The following CASK variants were observed in gnomAD, a reference collection of about 807,000 sequenced individuals.
CASK encodes peripheral plasma membrane protein CASK.
A neutral mutation model predicts 82.9 loss-of-function variants in CASK; 4 were observed. That is an observed-to-expected ratio of 0.05 (90% CI 0.02 to 0.11). The LOEUF (loss-of-function observed/expected upper bound fraction) is 0.11, where lower values mean the gene tolerates loss of function less well. CASK is among the 10% of genes least tolerant of loss of function. CASK has a pLI of 1.00. For missense variants in CASK, 358 were observed against 720.9 expected, an observed-to-expected ratio of 0.50 and a Z score of 5.76; for synonymous variants, 259 against 253.5, an observed-to-expected ratio of 1.02 and a Z score of -0.20.
chrX:41,854,090 A>C (rs1448382994), intron 1 of CASK, among the ~76,000 whole-genome samples: 1 of 111,825 alleles, frequency 8.9e-6, no homozygotes, highest in Non-Finnish European at 1.9e-5. Context: ...TACTAGAGGA[A>C]AGGAAGTAAT....
chrX:41,753,992 A>G (rs915979035), intron 3 of CASK, among the ~76,000 whole-genome samples: 3 of 112,726 alleles, frequency 2.7e-5, no homozygotes, highest in Non-Finnish European at 5.6e-5. Flanking sequence ...AGAATAAATC[A>G]TTAGAAAATA....
chrX:41,578,658 A>G, intron 14 of CASK, 130 bp from the exon 15 acceptor site: 1 of 477,439 alleles, frequency 2.1e-6, no homozygotes, highest in Non-Finnish European at 3.5e-6. Flanking sequence ...GTGAGATCTC[A>G]GCTCACTGCA....
intron 4 of CASK, among the ~76,000 whole-genome samples, chrX:41,745,095 G>A (rs2068665231): frequency 8.9e-6 from 1 of 112,032 alleles, no homozygotes; most frequent in African/African-American, 3.2e-5. Flanking sequence ...TCGGCTCACT[G>A]CAACCTCCAC....
Position 41,613,067 on chromosome X carries a change from CCCGGCCG to C in CASK, c.1034-3049_1034-3043del, listed in dbSNP as rs1258623623. On this transcript the variant is annotated intron_variant, in intron 11 of 26. Coordinates refer to ENST00000378163, the MANE Select transcript of CASK (RefSeq NM_001367721.1). ...GTCTGGGAGGTGAGGGGCGCCTCTG[CCCGGCCG>C]CCCCTACTGGGAAGTGAGGAGCCCC... Among the ~76,000 whole-genome samples, 23 of 110,055 alleles carry C rather than the reference CCCGGCCG, an allele frequency of 2.1e-4. No homozygotes were observed. The East Asian group carries it at 4.8e-3, about 23-fold the overall frequency.
chrX:41,627,792 C>T (rs999071418), intron 9 of CASK, among the ~76,000 whole-genome samples: 3 of 112,212 alleles, frequency 2.7e-5, no homozygotes, highest in African/African-American at 9.7e-5. Context: ...CACCTGAGGT[C>T]GGGAGTTTGA....
chrX:41,536,195 G>A (rs112844505), intron 22 of CASK, among the ~76,000 whole-genome samples: 1 of 110,793 alleles, frequency 9.0e-6, no homozygotes, highest in African/African-American at 3.3e-5. Flanking sequence ...TCGGCTCACT[G>A]CAACCTCTGC....
intron 3 of CASK, among the ~76,000 whole-genome samples, chrX:41,753,270 T>C (rs1196476076): frequency 2.7e-5 from 3 of 110,535 alleles, no homozygotes; most frequent in African/African-American, 9.9e-5. Context: ...AAAAAATGAA[T>C]AGGCACTATA....
At chrX:41,808,446 C>T (rs752363016) in intron 2 of CASK, among the ~76,000 whole-genome samples, 2 of 111,995 alleles carry the variant, frequency 1.8e-5, no homozygotes, top group South Asian at 3.7e-4. Context: ...CTTAGCAAGG[C>T]GTCTCACATC....
intron 4 of CASK, among the ~76,000 whole-genome samples, chrX:41,745,078 C>T (rs1007222840): frequency 8.9e-6 from 1 of 111,969 alleles, no homozygotes; most frequent in South Asian, 3.7e-4. Context: ...AGTGCAATAG[C>T]GCAATCTCGG....
At chrX:41,709,731 C>T (rs1312408056) in intron 5 of CASK, among the ~76,000 whole-genome samples, 1 of 111,503 alleles carries the variant, frequency 9.0e-6, no homozygotes, top group Non-Finnish European at 1.9e-5. Flanking sequence ...ATGTGGTTCT[C>T]AGAGAAACCT....
At position 41,566,880 on chromosome X, in the gene CASK, C is replaced by CA. The variant is rs760017486; in HGVS notation, c.1582+2787dup. On this transcript the variant is annotated intron_variant, in intron 16 of 26. Transcript: ENST00000378163. ...AACCAAAACAGCATGGTACTCGTAC[C>CA]AAAACAGAGATATAGACAAATGGAA... Among the ~76,000 whole-genome samples, 199 of 111,587 alleles carry CA rather than the reference C, an allele frequency of 1.8e-3. 1 individual carries two copies. Among genetic ancestry groups the CA allele is most frequent in the African/African-American group, 6.2e-3 (191 of 30,699 alleles).
intron 14 of CASK, among the ~76,000 whole-genome samples, chrX:41,582,558 C>T (rs1381824199): frequency 1.8e-5 from 2 of 111,526 alleles, no homozygotes; most frequent in African/African-American, 6.5e-5. Context: ...CGTGATCCGT[C>T]CACCTTGGCC....
chrX:41,596,557 G>A (rs769677111), intron 12 of CASK, among the ~76,000 whole-genome samples: 25 of 112,354 alleles, frequency 2.2e-4, no homozygotes, highest in Non-Finnish European at 4.5e-4. Context: ...GGGAGGAAGA[G>A]AGAAGGAAGA....
At chrX:41,618,054 T>G (rs1384127929) in intron 11 of CASK, among the ~76,000 whole-genome samples, 1 of 112,016 alleles carries the variant, frequency 8.9e-6, no homozygotes, top group Admixed American at 9.5e-5. Flanking sequence ...CAGAGTCCTT[T>G]GTACCAAGAC....
At chrX:41,838,759 C>CAA (rs773787670) in intron 2 of CASK, among the ~76,000 whole-genome samples, 1 of 99,561 alleles carries the variant, frequency 1.0e-5, no homozygotes, top group African/African-American at 3.7e-5. Flanking sequence ...GACTCTGTCT[C>CAA]AAAAAAAAAA....
intron 5 of CASK, among the ~76,000 whole-genome samples, chrX:41,712,886 G>C (rs1243212082): frequency 1.8e-5 from 2 of 111,366 alleles, no homozygotes; most frequent in Admixed American, 1.9e-4. Context: ...AACTGAATCA[G>C]CATGAGAGGA....
At chrX:41,791,597 C>T (rs1035085531) in intron 2 of CASK, among the ~76,000 whole-genome samples, 1 of 109,023 alleles carries the variant, frequency 9.2e-6, no homozygotes. Context: ...GTGACGTGCA[C>T]CTGTAGTCCC....
At chrX:41,783,606 G>A (rs2069526751) in intron 3 of CASK, among the ~76,000 whole-genome samples, 1 of 110,208 alleles carries the variant, frequency 9.1e-6, no homozygotes, top group Non-Finnish European at 1.9e-5. Context: ...GGATGTTAGA[G>A]GCCATCTCTA....
chrX:41,642,459 C>T (rs2066676211), intron 8 of CASK, among the ~76,000 whole-genome samples: 1 of 112,031 alleles, frequency 8.9e-6, no homozygotes, highest in Admixed American at 9.5e-5. Flanking sequence ...GAGATGGTAT[C>T]TCATTATGGT....
Sources: allele counts gnomAD v4.1 joint callset (sites outside exome capture counted in the v4.1 genomes callset), GRCh38; gene constraint gnomAD v4.1.1; transcripts MANE v1.5; gene names NCBI Gene and HGNC (gene_info 2026-07-23, HGNC 2026-07-21).